Variants in RANBP3 observed in about 807,000 individuals in gnomAD.
The protein encoded by RANBP3 is ran-binding protein 3.
In RANBP3, 14 loss-of-function variants were observed where a neutral mutation model predicts 77.3. The ratio of observed to expected loss-of-function variants is 0.18; its 90% CI spans 0.12 to 0.28. RANBP3 has a LOEUF of 0.28. RANBP3 is among the 10% of genes least tolerant of loss of function. The pLI is 1.00. For missense variants in RANBP3, 586 were observed against 752.3 expected, an observed-to-expected ratio of 0.78 and a Z score of 2.59; for synonymous variants, 315 against 312.4, an observed-to-expected ratio of 1.01 and a Z score of -0.09.
chr19:5,926,924 T>C (rs936684278), intron 9 of RANBP3, among the ~76,000 whole-genome samples: 1 of 152,168 alleles, frequency 6.6e-6, no homozygotes, highest in East Asian at 1.9e-4. Flanking sequence ...AGAGAGGTTT[T>C]TGTTTATTTC....
intron 2 of RANBP3, among the ~76,000 whole-genome samples, chr19:5,954,711 CAG>C (rs1302939261): frequency 1.3e-5 from 2 of 152,168 alleles, no homozygotes; most frequent in African/African-American, 4.8e-5. Context: ...GAGAGCAAGA[CAG>C]GGATGGGTTG....
chr19:5,957,902 C>T lies in RANBP3; in HGVS notation c.78+16G>A, dbSNP rs567226599. On this transcript the variant is annotated intron_variant, in intron 2 of 16. Transcript: ENST00000340578. ...TTAGAGTAACGAAGTGAAGAGAGAA[C>T]GTACCGGCCCCTTACCTTTTGTCCT... 5.3e-5 allele frequency: 86 copies of T among 1,613,548 alleles called. No homozygotes were observed. Among genetic ancestry groups the T allele is most frequent in the South Asian group, 1.2e-4 (11 of 90,988 alleles).
chr19:5,949,759 G>A (rs149303187), intron 3 of RANBP3, among the ~76,000 whole-genome samples: 2 of 152,282 alleles, frequency 1.3e-5, no homozygotes, highest in East Asian at 3.9e-4. Context: ...AGATCTACCT[G>A]GGCTGGCCAG....
In RANBP3 at chr19:5,978,116, G is replaced by A. The variant is rs902520304; in HGVS notation, c.-34C>T. The A allele has an allele frequency of 6.2e-6, 10 of 1,600,292 alleles. No homozygotes were observed. The highest frequency in any genetic ancestry group is 8.5e-6 in the Non-Finnish European group (10 of 1,174,356). On this transcript the variant is annotated 5_prime_UTR_variant, in exon 1 of 17. Transcript: ENST00000340578. ...CTTAAGCCCTCCCACAAGGCCCCGC[G>A]CCGGCCCAGGCTCGCCTGCTTTCTG...
In RANBP3 at chr19:5,978,041, C is replaced by T. The variant is rs1380096207; in HGVS notation, c.22+20G>A. On this transcript the variant is annotated intron_variant, in intron 1 of 16. Coordinates refer to ENST00000340578, the MANE Select transcript of RANBP3 (RefSeq NM_007322.3). ...CCCGTTCCCCGGCCGCCAGCCGGTC[C>T]CCAACGGCGCCTCCCCTACCTTCGT... 1.9e-6 allele frequency: 3 copies of T among 1,609,840 alleles called. No homozygotes were observed. Among genetic ancestry groups the T allele is most frequent in the Non-Finnish European group, 2.5e-6 (3 of 1,178,358 alleles).
chr19:5,973,097 T>C (rs567981019), intron 1 of RANBP3, among the ~76,000 whole-genome samples: 2 of 152,158 alleles, frequency 1.3e-5, no homozygotes, highest in African/African-American at 2.4e-5. Context: ...GGAGGCACAG[T>C]GGAGGTGAAA....
chr19:5,917,872 G>T lies in RANBP3; in HGVS notation c.1582C>A (p.Pro528Thr). 6.2e-7 allele frequency: 1 copy of T among 1,612,756 alleles called. No homozygotes were observed. The highest frequency in any genetic ancestry group is 8.5e-7 in the Non-Finnish European group (1 of 1,179,928). The change falls in exon 16 of 17, where the codon CCT (proline) becomes ACT (threonine). Residue 528 changes from proline to threonine, a missense_variant. Pro to Thr is a conservative substitution (Grantham distance 38). Transcript: ENST00000340578. ...TCCTCGTTGGATGGGGCTGCCCCAG[G>T]CTCAGGCGCGGGCATCTTGGCCTCC... ...EQEAKMPAPE[P>T]GAAPSNEEDD...
chr19:5,924,393 G>A lies in RANBP3; in HGVS notation c.996+434C>T, dbSNP rs1166577205. Among the ~76,000 whole-genome samples, 1 of 152,258 alleles carries A rather than the reference G, an allele frequency of 6.6e-6. No homozygotes were observed. Among genetic ancestry groups the A allele is most frequent in the Non-Finnish European group, 1.5e-5 (1 of 68,046 alleles). The stretch of plus-strand genomic sequence containing the variant: ...CCAGGCTGGCTGGGCTCCTGGGAAC[G>A]GAGATGGGCCTTTCGTGCACCCAAG... On this transcript the variant is annotated intron_variant, in intron 11 of 16. Transcript: ENST00000340578. This position sits in a 1 kb window ranked among gnomAD's most constrained non-coding sequence, Gnocchi z 4.7.
chr19:5,959,797 C>T lies in RANBP3; in HGVS notation c.23-1824G>A, dbSNP rs2058378022. On this transcript the variant is annotated intron_variant, in intron 1 of 16. Transcript: ENST00000340578. The surrounding 1 kb of genome is among the most constrained non-coding windows in gnomAD (Gnocchi z 5.1). ...ACGCCTGTACCCCACAAGCCCAGCC[C>T]TGACCTCTGCATTTGCCTCCCTGCC... 6.6e-6 allele frequency among the ~76,000 whole-genome samples: 1 copy of T among 152,160 alleles called. No individual in the cohort carries two copies. Among genetic ancestry groups the T allele is most frequent in the African/African-American group, 2.4e-5 (1 of 41,432 alleles).
intron 1 of RANBP3, among the ~76,000 whole-genome samples, chr19:5,976,806 G>C (rs1469881163): frequency 6.6e-6 from 1 of 152,208 alleles, no homozygotes; most frequent in Non-Finnish European, 1.5e-5. Flanking sequence ...TGCCTGTACA[G>C]ATGCCCAGCG....
chr19:5,951,739 C>T, intron 2 of RANBP3, 143 bp from the exon 3 acceptor site: 1 of 755,014 alleles, frequency 1.3e-6, no homozygotes, highest in Non-Finnish European at 2.2e-6. Flanking sequence ...AGAGCAGGCA[C>T]CTGCTTCTGG....
At chr19:5,967,033 C>T (rs1057245209) in intron 1 of RANBP3, among the ~76,000 whole-genome samples, 1 of 152,230 alleles carries the variant, frequency 6.6e-6, no homozygotes, top group Admixed American at 6.5e-5. Context: ...CAGTTCTGTG[C>T]CACAGCACAA....
intron 2 of RANBP3, among the ~76,000 whole-genome samples, chr19:5,956,668 C>T (rs1404804975): frequency 6.6e-6 from 1 of 152,132 alleles, no homozygotes; most frequent in African/African-American, 2.4e-5. Flanking sequence ...TCCTCCCCAA[C>T]CCCTACAAAC....
rs139573317 is a variant in RANBP3, at chr19:5,928,364, G to A, written c.694-277C>T. 776 of 271,484 alleles carry A rather than the reference G, an allele frequency of 2.9e-3. 3 individuals carry two copies. Among genetic ancestry groups the A allele is most frequent in the African/African-American group, 0.016 (733 of 45,534 alleles). The allele number at this position is 271,484 out of a possible 1,614,324, so 16.8% of individuals were successfully genotyped here. On this transcript the variant is annotated intron_variant, in intron 8 of 16. Coordinates refer to ENST00000340578, the MANE Select transcript of RANBP3 (RefSeq NM_007322.3). ...TGTGCCCTGCAGAAGCCTTAGTGCC[G>A]GCAGAGGACAGGAAATAACCTGGTT...
At chr19:5,922,465 G>C (rs945517643) in intron 13 of RANBP3, among the ~76,000 whole-genome samples, 2 of 152,186 alleles carry the variant, frequency 1.3e-5, no homozygotes, top group Non-Finnish European at 2.9e-5. Context: ...CGGGTGGTGC[G>C]GCCTGAGGAG....
chr19:5,933,221 C>T (rs890083959), intron 6 of RANBP3, 193 bp downstream of exon 6: 6 of 528,712 alleles, frequency 1.1e-5, no homozygotes, highest in Non-Finnish European at 1.7e-5. Flanking sequence ...GAACACACGA[C>T]GCTCACAGTC....
intron 1 of RANBP3, among the ~76,000 whole-genome samples, chr19:5,971,484 T>C (rs995783548): frequency 6.6e-6 from 1 of 152,212 alleles, no homozygotes; most frequent in Non-Finnish European, 1.5e-5. Flanking sequence ...TATCTGCTTC[T>C]ATAGTTCATC....
chr19:5,922,800 C>T (rs369735191), intron 13 of RANBP3, among the ~76,000 whole-genome samples: 24 of 152,214 alleles, frequency 1.6e-4, no homozygotes, highest in Admixed American at 3.9e-4. Flanking sequence ...ATTAGCCTGG[C>T]GTGGTGGTGC....
intron 2 of RANBP3, among the ~76,000 whole-genome samples, chr19:5,957,083 C>T (rs1568473084): frequency 6.6e-6 from 1 of 151,818 alleles, no homozygotes; most frequent in African/African-American, 2.4e-5. Context: ...GGAGTGCCGT[C>T]GCTGGGCATC....
Sources: gnomAD v4.1 joint callset for allele counts (sites outside exome capture counted in the v4.1 genomes callset) on GRCh38, gnomAD v4.1.1 for gene constraint, Gnocchi (gnomAD v3.1) non-coding constraint, MANE v1.5 for transcripts, NCBI Gene and HGNC (gene_info 2026-07-23, HGNC 2026-07-21) for gene names.